Variants in PIGL observed in about 807,000 individuals in gnomAD.
PIGL encodes the protein phosphatidylinositol glycan anchor biosynthesis class L.
In PIGL, 22 loss-of-function variants were observed where a neutral mutation model predicts 31.1. The ratio of observed to expected loss-of-function variants is 0.71; its 90% CI spans 0.51 to 1.01. The LOEUF is 1.01. Among genes scored for constraint, PIGL ranks in the 50% least tolerant of loss-of-function variants. The pLI is 0.00. For synonymous variants in PIGL, 131 were observed against 117.4 expected (o/e 1.12, Z -0.75); for missense variants, 302 against 315.9 (o/e 0.96, Z 0.33).
At chr17:16,241,178 T>C (rs995786676) in intron 2 of PIGL, among the ~76,000 whole-genome samples, 2 of 135,472 alleles carry the variant, frequency 1.5e-5, no homozygotes, top group African/African-American at 5.6e-5. Context: ...TTTGGGATAA[T>C]GGAAACCCAC....
chr17:16,292,051 T>C (rs982959947), intron 2 of PIGL, among the ~76,000 whole-genome samples: 11 of 148,632 alleles, frequency 7.4e-5, no homozygotes, highest in Non-Finnish European at 1.5e-4. Flanking sequence ...TTTTTTTTTT[T>C]TGAGATGGAG....
At chr17:16,297,010 G>A (rs576640879) in intron 2 of PIGL, among the ~76,000 whole-genome samples, 3 of 152,262 alleles carry the variant, frequency 2.0e-5, no homozygotes, top group South Asian at 2.1e-4. Context: ...GTGAGCCACC[G>A]TTCCGGCCCT....
chr17:16,274,050 C>G (rs1321126998), intron 2 of PIGL, among the ~76,000 whole-genome samples: 1 of 152,162 alleles, frequency 6.6e-6, no homozygotes, highest in Non-Finnish European at 1.5e-5. Flanking sequence ...TTCAAAGCCC[C>G]AGATCATCAG....
chr17:16,264,161 T>C (rs987402916), intron 2 of PIGL, among the ~76,000 whole-genome samples: 2 of 151,258 alleles, frequency 1.3e-5, no homozygotes, highest in African/African-American at 4.9e-5. Flanking sequence ...TACAGGTGCC[T>C]GCTATCACAC....
chr17:16,239,310 C>T (rs1224673246), intron 2 of PIGL, among the ~76,000 whole-genome samples: 6 of 151,552 alleles, frequency 4.0e-5, no homozygotes, highest in African/African-American at 1.5e-4. Context: ...GGTGAAACCC[C>T]GTCTCTACTA....
chr17:16,297,678 T>G (rs1224826448), intron 2 of PIGL, among the ~76,000 whole-genome samples: 3 of 152,184 alleles, frequency 2.0e-5, no homozygotes, highest in Non-Finnish European at 4.4e-5. Flanking sequence ...AAACTGAACT[T>G]TGTCCTGATC....
intron 2 of PIGL, among the ~76,000 whole-genome samples, chr17:16,256,862 G>GT (rs2092795977): frequency 6.6e-6 from 1 of 151,482 alleles, no homozygotes; most frequent in Non-Finnish European, 1.5e-5. Flanking sequence ...TAATTTTTGT[G>GT]TTTTTAGTAG....
intron 3 of PIGL, among the ~76,000 whole-genome samples, chr17:16,300,681 GA>G (rs139875064): frequency 1.1e-3 from 127 of 116,770 alleles, no homozygotes; most frequent in South Asian, 1.3e-3. Flanking sequence ...CTCTGTCTCA[GA>G]AAAAAAAAAA....
intron 2 of PIGL, among the ~76,000 whole-genome samples, chr17:16,265,736 G>C (rs573885048): frequency 5.4e-5 from 8 of 148,594 alleles, no homozygotes; most frequent in Non-Finnish European, 1.0e-4. Context: ...GCGAGACTCC[G>C]TATTAAAAAA....
At chr17:16,247,870 T>C (rs2092755399) in intron 2 of PIGL, among the ~76,000 whole-genome samples, 1 of 152,122 alleles carries the variant, frequency 6.6e-6, no homozygotes, top group Non-Finnish European at 1.5e-5. Context: ...GAGTGCTCTC[T>C]TCAGAACAAG....
intron 2 of PIGL, among the ~76,000 whole-genome samples, chr17:16,252,764 C>T (rs184267366): frequency 5.9e-5 from 9 of 152,172 alleles, no homozygotes; most frequent in Admixed American, 3.9e-4. Flanking sequence ...GAACAGAGTT[C>T]CTTTAAAAGA....
intron 2 of PIGL, chr17:16,281,876 C>T (rs774954136): frequency 7.6e-5 from 22 of 288,792 alleles, no homozygotes; most frequent in Non-Finnish European, 1.6e-4. Flanking sequence ...CCCACTGGTA[C>T]AGCTCCCATC....
At position 16,246,672 on chromosome 17, in the gene PIGL, CTTTTT is replaced by C. The variant is rs1197171634; in HGVS notation, c.335+12622_335+12626del. On this transcript the variant is annotated intron_variant, in intron 2 of 6. Transcript: ENST00000225609. ...GCAGGCTAGAAGTCCAGATCAAGGT[CTTTTT>C]TTTTTTTTTTTTTTTTTTTGAGACG... 5.0e-3 allele frequency among the ~76,000 whole-genome samples: 323 copies of C among 64,150 alleles called. 2 individuals are homozygous for C. The highest frequency in any genetic ancestry group is 0.017 in the African/African-American group (299 of 17,410). The allele number at this position is 64,150 out of a possible 152,430, so 42.1% of individuals were successfully genotyped here. A position where few individuals can be genotyped will look rare whatever the true frequency, so the allele number is the denominator to read the frequency against.
At chr17:16,295,943 AAAAT>A (rs1316486064) in intron 2 of PIGL, among the ~76,000 whole-genome samples, 1 of 152,176 alleles carries the variant, frequency 6.6e-6, no homozygotes, top group Non-Finnish European at 1.5e-5. Context: ...CACCATCTCA[AAAAT>A]AAATAAATAA....
At chr17:16,309,548 G>A (rs899578811) in intron 3 of PIGL, among the ~76,000 whole-genome samples, 1 of 145,454 alleles carries the variant, frequency 6.9e-6, no homozygotes, top group Admixed American at 7.1e-5. Context: ...GGATCACCAG[G>A]TCAGGAGTTG....
rs201868423 is a variant in PIGL, at chr17:16,316,741, A to C, written c.526+29A>C. 8 of 1,609,196 alleles carry C rather than the reference A, an allele frequency of 5.0e-6. No individual in the cohort carries two copies. The East Asian group carries it at 1.3e-4, about 27-fold the overall frequency. Reference sequence around the variant, plus strand: ...AGGCTTGTTCCTTTTGCAAAGGGCCACAAGATACTGTCCCTCTGAGAAACT... The same window carrying C: ...AGGCTTGTTCCTTTTGCAAAGGGCCCCAAGATACTGTCCCTCTGAGAAACT... On this transcript the variant is annotated intron_variant, in intron 5 of 6. Transcript: ENST00000225609.
intron 2 of PIGL, among the ~76,000 whole-genome samples, chr17:16,283,320 T>G (rs918413298): frequency 3.3e-5 from 5 of 152,106 alleles, no homozygotes; most frequent in Non-Finnish European, 5.9e-5. Flanking sequence ...TTGTTTTAAT[T>G]AGCTGGCCGT....
At chr17:16,234,201 G>T in intron 2 of PIGL, 131 bp downstream of exon 2, 1 of 585,714 alleles carries the variant, frequency 1.7e-6, no homozygotes, top group Admixed American at 2.8e-5. Context: ...TCGGTGCCAT[G>T]GTTCACGCTT....
At chr17:16,259,631 G>A (rs866690699) in intron 2 of PIGL, among the ~76,000 whole-genome samples, 18 of 152,160 alleles carry the variant, frequency 1.2e-4, no homozygotes, top group Non-Finnish European at 2.4e-4. Context: ...ATTCTTAAAA[G>A]AAAATATAGG....
Sources: allele counts gnomAD v4.1 joint callset (sites outside exome capture counted in the v4.1 genomes callset), GRCh38; gene constraint gnomAD v4.1.1; transcripts MANE v1.5; gene names NCBI Gene and HGNC (gene_info 2026-07-23, HGNC 2026-07-21).